CEP128: variants seen among roughly 807,000 people sequenced by gnomAD.
CEP128 encodes centrosomal protein 128kDa.
A neutral mutation model predicts 156.7 loss-of-function variants in CEP128; 132 were observed. The ratio of observed to expected loss-of-function variants is 0.84; its 90% CI spans 0.73 to 0.97. The LOEUF (loss-of-function observed/expected upper bound fraction) is 0.97, where lower values mean the gene tolerates loss of function less well. CEP128 is among the 50% of genes least tolerant of loss of function. CEP128 has a pLI of 0.00. For missense variants in CEP128, 1,252 were observed against 1,281.9 expected (o/e 0.98, Z 0.36); for synonymous variants, 469 against 448.9 (o/e 1.04, Z -0.57).
At chr14:80,740,600 A>G (rs1042154195) in intron 19 of CEP128, among the ~76,000 whole-genome samples, 2 of 152,164 alleles carry the variant, frequency 1.3e-5, no homozygotes, top group South Asian at 4.1e-4. Flanking sequence ...CTTTTTGGCT[A>G]AGACACAGGT....
intron 19 of CEP128, among the ~76,000 whole-genome samples, chr14:80,673,507 G>A (rs189449991): frequency 0.022 from 3,153 of 145,290 alleles, 134 homozygotes; most frequent in African/African-American, 0.076. Flanking sequence ...TTAGCCGGGC[G>A]TAGTGGCGGG....
intron 19 of CEP128, among the ~76,000 whole-genome samples, chr14:80,581,640 T>C (rs533452703): frequency 6.6e-6 from 1 of 152,328 alleles, no homozygotes; most frequent in South Asian, 2.1e-4. Context: ...CTGTATGCTA[T>C]AGAGGAACTG....
At chr14:80,580,471 G>T (rs779202483) in intron 19 of CEP128, 48 bp from the exon 20 acceptor site, 11 of 1,176,808 alleles carry the variant, frequency 9.3e-6, no homozygotes, top group Non-Finnish European at 1.1e-5. Flanking sequence ...GTAAAAACGA[G>T]TTGCCTCTTA....
intron 19 of CEP128, among the ~76,000 whole-genome samples, chr14:80,682,524 C>T (rs77641635): frequency 0.017 from 2,656 of 152,214 alleles, 167 homozygotes; most frequent in East Asian, 0.13. Flanking sequence ...GAAACGTATT[C>T]GAGGGAATAA....
chr14:80,917,641 C>A (rs1884635294), intron 2 of CEP128, among the ~76,000 whole-genome samples: 1 of 152,164 alleles, frequency 6.6e-6, no homozygotes, highest in Admixed American at 6.5e-5. Context: ...CAGGTTCAAG[C>A]AATTGTCCTG....
intron 21 of CEP128, among the ~76,000 whole-genome samples, chr14:80,545,516 A>C (rs1255828128): frequency 6.6e-6 from 1 of 152,190 alleles, no homozygotes. Context: ...AAAATAAGAG[A>C]ATTGGTCATT....
chr14:80,939,961 G>A (rs1886056214), intron 1 of CEP128, among the ~76,000 whole-genome samples: 1 of 152,186 alleles, frequency 6.6e-6, no homozygotes, highest in Admixed American at 6.5e-5. Flanking sequence ...TTTATAAGAT[G>A]CCCAGTTCTT....
intron 8 of CEP128, among the ~76,000 whole-genome samples, chr14:80,893,517 A>AC (rs1889203466): frequency 6.6e-6 from 1 of 151,814 alleles, no homozygotes; most frequent in Non-Finnish European, 1.5e-5. Flanking sequence ...ACAAAAAAAA[A>AC]AAATGGGTAA....
At chr14:80,878,705 C>G (rs1287048212) in intron 8 of CEP128, among the ~76,000 whole-genome samples, 2 of 152,150 alleles carry the variant, frequency 1.3e-5, no homozygotes, top group Non-Finnish European at 2.9e-5. Flanking sequence ...TTCCCAACCC[C>G]CTGGGCCTGA....
chr14:80,552,306 TCTC>T (rs1890242706), intron 21 of CEP128, among the ~76,000 whole-genome samples: 2 of 122,094 alleles, frequency 1.6e-5, no homozygotes, highest in Admixed American at 8.1e-5. Flanking sequence ...TGAAACTCCA[TCTC>T]AAAAAAAAAA....
At chr14:80,876,393 C>A (rs544963894) in intron 8 of CEP128, among the ~76,000 whole-genome samples, 3 of 151,834 alleles carry the variant, frequency 2.0e-5, no homozygotes, top group Non-Finnish European at 4.4e-5. Flanking sequence ...GTCAGGAGAT[C>A]GAGACCATCC....
intron 19 of CEP128, among the ~76,000 whole-genome samples, chr14:80,722,286 T>C (rs947109740): frequency 6.6e-6 from 1 of 152,092 alleles, no homozygotes; most frequent in African/African-American, 2.4e-5. Context: ...ATGAACAGGA[T>C]CACCACTGTA....
rs146191933 is a variant in CEP128, at chr14:80,733,010, TG to T, written c.2806+10064del. ...AAAATTTGGAGTACGTCTGTGAGGG[TG>T]TTTCTAAATGAGATTAACATTTGAA... On this transcript the variant is annotated intron_variant, in intron 19 of 24. Coordinates refer to ENST00000555265, the MANE Select transcript of CEP128 (RefSeq NM_152446.5). Among the ~76,000 whole-genome samples the T allele has an allele frequency of 4.1e-3, 625 of 152,232 alleles. 5 individuals carry two copies. The highest frequency in any genetic ancestry group is 0.011 in the African/African-American group (469 of 41,526).
chr14:80,584,548 A>G (rs1054786717), intron 19 of CEP128, among the ~76,000 whole-genome samples: 2 of 152,120 alleles, frequency 1.3e-5, no homozygotes, highest in African/African-American at 4.8e-5. Context: ...CCATTGCTGT[A>G]TGCCACTGCT....
At position 80,647,120 on chromosome 14, in the gene CEP128, CACACAT is replaced by C. The variant is rs151015088; in HGVS notation, c.2807-66703_2807-66698del. ...ATAAATACACATACACACACACACA[CACACAT>C]ACACACACACACACACACACACTGC... is the stretch of plus-strand genomic sequence containing the variant. On this transcript the variant is annotated intron_variant, in intron 19 of 24. Transcript: ENST00000555265. Among the ~76,000 whole-genome samples, 1,025 of 108,414 alleles carry C rather than the reference CACACAT, an allele frequency of 9.5e-3. 141 individuals carry two copies. The highest frequency in any genetic ancestry group is 0.029 in the Middle Eastern group (5 of 174). 71.1% of individuals were successfully genotyped at this position (108,414 alleles called of 152,430 possible).
intron 20 of CEP128, among the ~76,000 whole-genome samples, chr14:80,577,537 T>G (rs571492533): frequency 1.3e-5 from 2 of 152,242 alleles, no homozygotes; most frequent in African/African-American, 4.8e-5. Flanking sequence ...CTTTATATTC[T>G]AAAACATATT....
At chr14:80,736,412 T>G (rs1371473200) in intron 19 of CEP128, among the ~76,000 whole-genome samples, 3 of 152,138 alleles carry the variant, frequency 2.0e-5, no homozygotes, top group Non-Finnish European at 2.9e-5. Context: ...AGAACAGCTT[T>G]GCTACACAAA....
chr14:80,947,337 C>G (rs763718387), intron 2 of CEP128, among the ~76,000 whole-genome samples: 1 of 151,496 alleles, frequency 6.6e-6, no homozygotes, highest in African/African-American at 2.4e-5. Context: ...TGGGGGGTGA[C>G]CACAGAAAGC....
At chr14:80,479,501 T>C (rs1007638382) in intron 14 of CEP128, among the ~76,000 whole-genome samples, 1 of 152,082 alleles carries the variant, frequency 6.6e-6, no homozygotes. Context: ...ATAAACCCAT[T>C]CCAATCTCAT....
Sources: gnomAD v4.1 joint callset for allele counts (sites outside exome capture counted in the v4.1 genomes callset) on GRCh38, gnomAD v4.1.1 for gene constraint, MANE v1.5 for transcripts, NCBI Gene and HGNC (gene_info 2026-07-23, HGNC 2026-07-21) for gene names.